The following GPR158 variants were observed in gnomAD, a reference collection of about 807,000 sequenced individuals.
The protein encoded by GPR158 is G protein-coupled receptor 158.
In GPR158, 30 loss-of-function variants were observed where a neutral mutation model predicts 78.2. That is an observed-to-expected ratio of 0.38 (90% CI 0.29 to 0.52). The LOEUF (loss-of-function observed/expected upper bound fraction) is 0.52. Among genes scored for constraint, GPR158 ranks in the 20% least tolerant of loss-of-function variants. The pLI is 0.83. For synonymous variants in GPR158, 581 were observed against 591.1 expected, an observed-to-expected ratio of 0.98 and a Z score of 0.25; for missense variants, 1,463 against 1,523.5, an observed-to-expected ratio of 0.96 and a Z score of 0.66.
intron 1 of GPR158, among the ~76,000 whole-genome samples, chr10:25,211,399 G>T (rs1376718169): frequency 2.0e-5 from 3 of 152,132 alleles, no homozygotes; most frequent in Non-Finnish European, 4.4e-5. Context: ...ACGTGGTGAG[G>T]GTCTTGTTGC....
chr10:25,361,059 CTA>C (rs1477561436), intron 2 of GPR158, among the ~76,000 whole-genome samples: 1 of 151,818 alleles, frequency 6.6e-6, no homozygotes, highest in Non-Finnish European at 1.5e-5. Context: ...ATTTGAAACT[CTA>C]TACCCATTCA....
intron 7 of GPR158, among the ~76,000 whole-genome samples, chr10:25,577,355 G>A (rs928296111): frequency 6.6e-6 from 1 of 152,142 alleles, no homozygotes; most frequent in African/African-American, 2.4e-5. Flanking sequence ...GAGGCAATAG[G>A]CTTAACCGTG....
At chr10:25,351,136 C>T (rs1002771863) in intron 2 of GPR158, among the ~76,000 whole-genome samples, 1 of 151,930 alleles carries the variant, frequency 6.6e-6, no homozygotes, top group African/African-American at 2.4e-5. Context: ...GCACCCCCTT[C>T]TCTATAAACA....
chr10:25,378,405 G>GT (rs9335087), intron 2 of GPR158, among the ~76,000 whole-genome samples: 23 of 150,140 alleles, frequency 1.5e-4, no homozygotes, highest in African/African-American at 2.4e-4. Context: ...TGATAGGCAA[G>GT]TTTTTTTTTT....
chr10:25,564,140 A>G (rs1836897500), intron 6 of GPR158, among the ~76,000 whole-genome samples: 1 of 152,172 alleles, frequency 6.6e-6, no homozygotes. Context: ...AGAGATTTTC[A>G]TAAAGCTTGG....
At chr10:25,301,153 T>C (rs142705784) in intron 2 of GPR158, among the ~76,000 whole-genome samples, 2,628 of 152,320 alleles carry the variant, frequency 0.017, 21 homozygotes, top group African/African-American at 0.026. Context: ...TTTGTCAAAA[T>C]GTTTATATAT....
At chr10:25,517,508 T>G (rs1314024455) in intron 5 of GPR158, among the ~76,000 whole-genome samples, 17 of 152,122 alleles carry the variant, frequency 1.1e-4, no homozygotes, top group Non-Finnish European at 2.5e-4. Context: ...GGCTGTGGGT[T>G]TGTCATAGAC....
intron 7 of GPR158, among the ~76,000 whole-genome samples, chr10:25,581,226 C>T (rs535004386): frequency 1.8e-3 from 273 of 152,048 alleles, no homozygotes; most frequent in Non-Finnish European, 3.3e-3. Context: ...CCGCGCCCGG[C>T]GCTAATTTTT....
intron 6 of GPR158, among the ~76,000 whole-genome samples, chr10:25,555,752 A>C (rs963276776): frequency 6.6e-6 from 1 of 151,898 alleles, no homozygotes; most frequent in Non-Finnish European, 1.5e-5. Context: ...GAAAAAAAAA[A>C]CAAAATACTT....
chr10:25,348,585 T>G (rs1246646332), intron 2 of GPR158, among the ~76,000 whole-genome samples: 3 of 151,972 alleles, frequency 2.0e-5, no homozygotes, highest in Non-Finnish European at 4.4e-5. Context: ...CAGCCCTACC[T>G]GGCATTCTAC....
chr10:25,219,959 T>C (rs113428805), intron 1 of GPR158, among the ~76,000 whole-genome samples: 3,119 of 152,308 alleles, frequency 0.02, 111 homozygotes, highest in African/African-American at 0.07. Flanking sequence ...TTTGTTTGCA[T>C]TTATTTTGTA....
chr10:25,525,781 T>C (rs1442319667), intron 5 of GPR158, among the ~76,000 whole-genome samples: 1 of 152,132 alleles, frequency 6.6e-6, no homozygotes, highest in Non-Finnish European at 1.5e-5. Flanking sequence ...ATGAATGATA[T>C]ATGAATTACA....
At position 25,601,448 on chromosome 10, in the gene GPR158, A is replaced by C. The variant is rs983345767; in HGVS notation, c.*2174A>C. On this transcript the variant is annotated 3_prime_UTR_variant, in exon 11 of 11. Coordinates refer to ENST00000376351, the MANE Select transcript of GPR158 (RefSeq NM_020752.3). ...GTTCCTAGACCCACATATTTGTTTCATTTATGTCTGAAATCTGTTAGCACT... is the reference window on the plus strand; with the variant it reads ...GTTCCTAGACCCACATATTTGTTTCCTTTATGTCTGAAATCTGTTAGCACT... 1 of 152,506 alleles carries C rather than the reference A, an allele frequency of 6.6e-6. No homozygotes were observed. Among genetic ancestry groups the C allele is most frequent in the Non-Finnish European group, 1.5e-5 (1 of 67,990 alleles). The allele number at this position is 152,506 out of a possible 1,614,324, so 9.4% of individuals were successfully genotyped here.
At chr10:25,539,642 T>C (rs1836548447) in intron 5 of GPR158, among the ~76,000 whole-genome samples, 1 of 152,086 alleles carries the variant, frequency 6.6e-6, no homozygotes, top group Non-Finnish European at 1.5e-5. Context: ...TTTTATAATT[T>C]TTAAAATGTT....
At chr10:25,367,535 G>A (rs1855741644) in intron 2 of GPR158, among the ~76,000 whole-genome samples, 1 of 151,794 alleles carries the variant, frequency 6.6e-6, no homozygotes, top group Non-Finnish European at 1.5e-5. Flanking sequence ...CAATTTGGAA[G>A]TTATTATAGC....
chr10:25,422,198 T>G (rs1206176153), intron 4 of GPR158, among the ~76,000 whole-genome samples: 1 of 152,304 alleles, frequency 6.6e-6, no homozygotes, highest in African/African-American at 2.4e-5. Flanking sequence ...TATTACCACT[T>G]TATTTATCAT....
chr10:25,192,209 T>G (rs867594830), intron 1 of GPR158, among the ~76,000 whole-genome samples: 3 of 152,142 alleles, frequency 2.0e-5, no homozygotes, highest in African/African-American at 2.4e-5. Flanking sequence ...TGTGTAGTAG[T>G]CCCTCCTGGG....
intron 2 of GPR158, among the ~76,000 whole-genome samples, chr10:25,371,623 T>A (rs1162893541): frequency 4.9e-5 from 7 of 142,034 alleles, no homozygotes; most frequent in Non-Finnish European, 1.6e-5. Context: ...CCCTATTTAA[T>A]AAATGGCGCT....
At chr10:25,522,528 A>G (rs748590954) in intron 5 of GPR158, among the ~76,000 whole-genome samples, 1 of 152,196 alleles carries the variant, frequency 6.6e-6, no homozygotes, top group Admixed American at 6.5e-5. Flanking sequence ...GGAAATGACT[A>G]ATGAGAAAAG....
Sources: gnomAD v4.1 joint callset for allele counts (sites outside exome capture counted in the v4.1 genomes callset) on GRCh38, gnomAD v4.1.1 for gene constraint, MANE v1.5 for transcripts, NCBI Gene and HGNC (gene_info 2026-07-23, HGNC 2026-07-21) for gene names.